Variants in ZBTB20 observed in about 807,000 individuals in gnomAD.
ZBTB20 encodes zinc finger and BTB domain containing 20, also known as zinc finger and BTB domain-containing protein 20.
A neutral mutation model predicts 56.9 loss-of-function variants in ZBTB20; 9 were observed. The observed-to-expected ratio is 0.16, with a 90% CI of 0.10 to 0.28. The LOEUF is 0.28. Ranked by LOEUF, ZBTB20 falls within the 10% of genes least tolerant of loss-of-function variation. The pLI, the probability that ZBTB20 is intolerant of heterozygous loss-of-function variation, is 1.00. For missense variants in ZBTB20, 655 were observed against 1,003.0 expected, an observed-to-expected ratio of 0.65 and a Z score of 4.69; for synonymous variants, 417 against 420.7, an observed-to-expected ratio of 0.99 and a Z score of 0.11.
chr3:114,759,257 G>C (rs936628585), intron 5 of ZBTB20: 1 of 152,076 alleles, frequency 6.6e-6, no homozygotes, highest in Non-Finnish European at 1.5e-5. Context: ...ATGCAGTGAG[G>C]CTGGGAGGCT....
In ZBTB20 at chr3:114,492,598, T is replaced by C. The variant is rs185326261; in HGVS notation, c.-255+7754A>G. Among the ~76,000 whole-genome samples the C allele has an allele frequency of 2.0e-5, 3 of 152,340 alleles. No homozygotes were observed. In the East Asian group the frequency reaches 5.8e-4, roughly 29 times the overall value. On this transcript the variant is annotated intron_variant, in intron 7 of 11. Transcript: ENST00000675478. ...TCAATACTCTAGTCTGCCTCTTATG[T>C]GGTCTACTGGAATAGCTCCCTCACT...
intron 7 of ZBTB20, among the ~76,000 whole-genome samples, chr3:114,489,804 C>T (rs765237083): frequency 4.6e-5 from 7 of 152,190 alleles, no homozygotes; most frequent in Non-Finnish European, 1.0e-4. Context: ...AGCTTTTAGT[C>T]AAATGACCCT....
chr3:114,964,607 G>T (rs928865030), intron 3 of ZBTB20, among the ~76,000 whole-genome samples: 1 of 152,108 alleles, frequency 6.6e-6, no homozygotes, highest in African/African-American at 2.4e-5. Flanking sequence ...AAGAGCAAAG[G>T]CAGAAAGCAT....
At chr3:114,912,355 T>C (rs897268671) in intron 3 of ZBTB20, among the ~76,000 whole-genome samples, 1 of 151,392 alleles carries the variant, frequency 6.6e-6, no homozygotes, top group African/African-American at 2.4e-5. Context: ...AATAAACATA[T>C]AGTCAAAATC....
intron 6 of ZBTB20, among the ~76,000 whole-genome samples, chr3:114,640,290 G>A (rs2059490759): frequency 6.6e-6 from 1 of 151,982 alleles, no homozygotes; most frequent in Non-Finnish European, 1.5e-5. Context: ...GACAGGGCGG[G>A]GTGAATGATT....
intron 7 of ZBTB20, among the ~76,000 whole-genome samples, chr3:114,438,613 T>C (rs2090700207): frequency 6.6e-6 from 1 of 152,078 alleles, no homozygotes; most frequent in South Asian, 2.1e-4. Context: ...AATTAACTTT[T>C]GAGGAATTGA....
chr3:114,949,846 C>T (rs2077004395), intron 3 of ZBTB20, among the ~76,000 whole-genome samples: 1 of 152,032 alleles, frequency 6.6e-6, no homozygotes, highest in Admixed American at 6.6e-5. Context: ...ATAAGTATAT[C>T]TGACAAAGAA....
chr3:114,543,099 C>T (rs1302107821), intron 6 of ZBTB20, among the ~76,000 whole-genome samples: 1 of 151,924 alleles, frequency 6.6e-6, no homozygotes, highest in Non-Finnish European at 1.5e-5. Context: ...TGCTCAAGTC[C>T]CTCATATGAA....
intron 5 of ZBTB20, among the ~76,000 whole-genome samples, chr3:114,766,311 C>T (rs532331934): frequency 3.1e-4 from 47 of 152,174 alleles, no homozygotes; most frequent in African/African-American, 1.1e-3. Context: ...ATAAAAAAGC[C>T]TGTAGACAGG....
intron 6 of ZBTB20, among the ~76,000 whole-genome samples, chr3:114,655,089 C>T (rs2060322418): frequency 6.6e-6 from 1 of 151,970 alleles, no homozygotes; most frequent in Admixed American, 6.5e-5. Context: ...TTTATTCAGC[C>T]TAATACTCTC....
chr3:114,899,526 T>TA (rs531282372), intron 4 of ZBTB20, among the ~76,000 whole-genome samples: 10 of 149,422 alleles, frequency 6.7e-5, no homozygotes, highest in Admixed American at 1.3e-4. Flanking sequence ...CAACAGCTAC[T>TA]AAAAAAAAAA....
chr3:114,978,129 T>C (rs1010607001), intron 2 of ZBTB20, among the ~76,000 whole-genome samples: 5 of 151,414 alleles, frequency 3.3e-5, no homozygotes, highest in African/African-American at 1.2e-4. Flanking sequence ...TAAGAGTCTT[T>C]ATAAATAAAT....
intron 3 of ZBTB20, among the ~76,000 whole-genome samples, chr3:114,942,951 G>A (rs188503441): frequency 6.9e-6 from 1 of 145,258 alleles, no homozygotes; most frequent in African/African-American, 2.8e-5. Flanking sequence ...GGTGAGGCCT[G>A]TATTCTTTTT....
intron 3 of ZBTB20, among the ~76,000 whole-genome samples, chr3:114,963,308 C>T (rs116047188): frequency 0.011 from 1,629 of 152,204 alleles, 10 homozygotes; most frequent in South Asian, 0.025. Flanking sequence ...TGTTTACTAA[C>T]TGCATTTAGG....
intron 7 of ZBTB20, among the ~76,000 whole-genome samples, chr3:114,454,238 G>A (rs1233998202): frequency 2.7e-5 from 4 of 148,386 alleles, no homozygotes; most frequent in Non-Finnish European, 4.4e-5. Flanking sequence ...AATAGACATA[G>A]GAAGCAGCGT....
At chr3:114,923,854 A>G (rs1240978631) in intron 3 of ZBTB20, among the ~76,000 whole-genome samples, 1 of 152,140 alleles carries the variant, frequency 6.6e-6, no homozygotes, top group East Asian at 1.9e-4. Flanking sequence ...TAGAACTCAC[A>G]CAACTCAATG....
chr3:115,094,402 C>A (rs189096793), intron 1 of ZBTB20, among the ~76,000 whole-genome samples: 2 of 152,084 alleles, frequency 1.3e-5, no homozygotes, highest in African/African-American at 2.4e-5. Context: ...GGAACATTTT[C>A]TCACTGTTTA....
chr3:114,867,860 A>G (rs2075831045), intron 4 of ZBTB20, among the ~76,000 whole-genome samples: 2 of 152,210 alleles, frequency 1.3e-5, no homozygotes, highest in East Asian at 3.8e-4. Flanking sequence ...ATGGCAATTA[A>G]AGCTTTCTAA....
intron 6 of ZBTB20, among the ~76,000 whole-genome samples, chr3:114,598,697 ATT>A (rs896215146): frequency 1.3e-5 from 2 of 152,012 alleles, no homozygotes; most frequent in African/African-American, 4.8e-5. Context: ...GTTATGAGGA[ATT>A]TTTTTCTCTT....
Sources: allele counts gnomAD v4.1 joint callset (sites outside exome capture counted in the v4.1 genomes callset), GRCh38; gene constraint gnomAD v4.1.1; transcripts MANE v1.5; gene names NCBI Gene and HGNC (gene_info 2026-07-23, HGNC 2026-07-21).